The following LPP variants were observed in gnomAD, a reference collection of about 807,000 sequenced individuals.
The protein encoded by LPP is LIM domain containing preferred translocation partner in lipoma.
A neutral mutation model predicts 60.4 loss-of-function variants in LPP; 38 were observed. The ratio of observed to expected loss-of-function variants is 0.63; its 90% CI spans 0.49 to 0.83. LPP has a LOEUF of 0.83. Among genes scored for constraint, LPP ranks in the 40% least tolerant of loss-of-function variants. The pLI, the probability that LPP is intolerant of heterozygous loss-of-function variation, is 0.00. For missense variants in LPP, 902 were observed against 783.6 expected (o/e 1.15, Z -1.80); for synonymous variants, 328 against 290.8 (o/e 1.13, Z -1.30).
chr3:188,749,335 T>C (rs1005158485), intron 8 of LPP, among the ~76,000 whole-genome samples: 2 of 152,164 alleles, frequency 1.3e-5, no homozygotes, highest in African/African-American at 4.8e-5. Context: ...TGCTATGACA[T>C]CTTAATCAAT....
chr3:188,661,573 A>G (rs745409333), intron 7 of LPP, among the ~76,000 whole-genome samples: 1 of 152,152 alleles, frequency 6.6e-6, no homozygotes. Flanking sequence ...CTTATTTGCC[A>G]TCTGTATATC....
intron 3 of LPP, among the ~76,000 whole-genome samples, chr3:188,360,595 G>A (rs992297989): frequency 2.6e-5 from 4 of 151,956 alleles, no homozygotes; most frequent in East Asian, 1.9e-4. Flanking sequence ...AGGCTCAAGC[G>A]ATCCTCCCAT....
chr3:188,774,704 G>C (rs7630801), intron 9 of LPP, among the ~76,000 whole-genome samples: 8,203 of 152,164 alleles, frequency 0.054, 658 homozygotes, highest in African/African-American at 0.18. Context: ...GCTGAGGACT[G>C]TCTTCCTGAC....
intron 7 of LPP, among the ~76,000 whole-genome samples, chr3:188,683,607 T>A (rs997817325): frequency 2.0e-5 from 3 of 152,180 alleles, no homozygotes; most frequent in African/African-American, 7.2e-5. Context: ...TATTTGACTG[T>A]ATACCCTGAT....
chr3:188,692,451 G>A (rs1419863081), intron 7 of LPP, among the ~76,000 whole-genome samples: 2 of 152,150 alleles, frequency 1.3e-5, no homozygotes, highest in Admixed American at 1.3e-4. Flanking sequence ...ATTTCACCTG[G>A]AATCTTGTTC....
chr3:188,462,544 T>TTATATATATATATA (rs71167102), intron 4 of LPP, among the ~76,000 whole-genome samples: 4 of 34,194 alleles, frequency 1.2e-4, no homozygotes, highest in East Asian at 1.3e-3. Context: ...TATATGAGCT[T>TTATATATATATATA]TATATATATA....
chr3:188,509,662 CT>C (rs1202361498), intron 5 of LPP, among the ~76,000 whole-genome samples: 1 of 33,978 alleles, frequency 2.9e-5, no homozygotes, highest in African/African-American at 1.0e-4. Context: ...TCCTTCCTTC[CT>C]TCCTTCCTTC....
At chr3:188,313,342 GA>G (rs1458308030) in intron 2 of LPP, among the ~76,000 whole-genome samples, 1 of 147,464 alleles carries the variant, frequency 6.8e-6, no homozygotes, top group East Asian at 1.9e-4. Flanking sequence ...CCTTTATAAT[GA>G]ACCTATCTAG....
At chr3:188,489,545 C>T (rs1035443020) in intron 5 of LPP, among the ~76,000 whole-genome samples, 2 of 152,186 alleles carry the variant, frequency 1.3e-5, no homozygotes, top group African/African-American at 4.8e-5. Flanking sequence ...GTGGAACCTA[C>T]TCTTTGTTCT....
At chr3:188,218,839 T>C (rs887640295) in intron 1 of LPP, among the ~76,000 whole-genome samples, 3 of 152,178 alleles carry the variant, frequency 2.0e-5, no homozygotes, top group Non-Finnish European at 2.9e-5. Context: ...ACAAATTGCC[T>C]TCTTTTTTCC....
chr3:188,722,908 A>T (rs1345133479), intron 8 of LPP, among the ~76,000 whole-genome samples: 1 of 152,224 alleles, frequency 6.6e-6, no homozygotes, highest in Non-Finnish European at 1.5e-5. Context: ...TGTAATAATC[A>T]TTCCTCTAAA....
chr3:188,640,211 C>G (rs1021555745), intron 7 of LPP, among the ~76,000 whole-genome samples: 3 of 151,364 alleles, frequency 2.0e-5, no homozygotes, highest in African/African-American at 7.3e-5. Flanking sequence ...AGTTCATGTC[C>G]TTTGTAGGGA....
At chr3:188,795,185 T>G (rs1744973931) in intron 9 of LPP, among the ~76,000 whole-genome samples, 1 of 152,194 alleles carries the variant, frequency 6.6e-6, no homozygotes, top group Non-Finnish European at 1.5e-5. Context: ...TAATGAAATC[T>G]ACCTTTATGT....
intron 1 of LPP, among the ~76,000 whole-genome samples, chr3:188,204,342 G>A (rs949577335): frequency 1.8e-4 from 28 of 152,096 alleles, no homozygotes; most frequent in African/African-American, 6.8e-4. Flanking sequence ...GTTGTTTAGA[G>A]CACTGGTGAG....
At chr3:188,253,573 A>G (rs1207516016) in intron 2 of LPP, among the ~76,000 whole-genome samples, 2 of 152,202 alleles carry the variant, frequency 1.3e-5, no homozygotes, top group Non-Finnish European at 2.9e-5. Context: ...AAGGAGAATG[A>G]TGGTAAACAG....
At chr3:188,476,527 T>C (rs1803271024) in intron 4 of LPP, among the ~76,000 whole-genome samples, 1 of 152,190 alleles carries the variant, frequency 6.6e-6, no homozygotes, top group Non-Finnish European at 1.5e-5. Context: ...GGCTTTTGAT[T>C]CCTCTTGCCA....
intron 9 of LPP, among the ~76,000 whole-genome samples, chr3:188,804,766 C>T (rs533984323): frequency 5.6e-4 from 85 of 151,922 alleles, no homozygotes; most frequent in Non-Finnish European, 1.1e-3. Flanking sequence ...AACATTTTTG[C>T]GCTGTTCCCA....
intron 5 of LPP, among the ~76,000 whole-genome samples, chr3:188,520,062 G>C (rs188849348): frequency 4.9e-4 from 75 of 152,266 alleles, no homozygotes; most frequent in Admixed American, 3.2e-3. Context: ...TGTACTTACA[G>C]TGGGGGAGTC....
chr3:188,249,942 T>C lies in LPP; in HGVS notation c.-67+24415T>C, dbSNP rs138830877. 2.9e-3 allele frequency among the ~76,000 whole-genome samples: 440 copies of C among 150,726 alleles called. 6 individuals carry two copies. The highest frequency in any genetic ancestry group is 9.6e-3 in the African/African-American group (396 of 41,090). On this transcript the variant is annotated intron_variant, in intron 2 of 11. Coordinates refer to ENST00000617246, the MANE Select transcript of LPP (RefSeq NM_001375462.1). ...GAAGTATTTCAGAGTAGGTCACTTA[T>C]ATCATTGCCTCTACCCCTAAGTACA...
Sources: allele counts gnomAD v4.1 joint callset (sites outside exome capture counted in the v4.1 genomes callset), GRCh38; gene constraint gnomAD v4.1.1; transcripts MANE v1.5; gene names NCBI Gene and HGNC (gene_info 2026-07-23, HGNC 2026-07-21).